Variants in FSTL5 observed in about 807,000 individuals in gnomAD.
FSTL5 encodes the protein follistatin-related protein 5.
A neutral mutation model predicts 89.1 loss-of-function variants in FSTL5; 62 were observed. That is an observed-to-expected ratio of 0.70 (90% CI 0.57 to 0.86). FSTL5 has a LOEUF of 0.86. Ranked by LOEUF, FSTL5 falls within the 40% of genes least tolerant of loss-of-function variation. The pLI is 0.00. For synonymous variants in FSTL5, 383 were observed against 346.2 expected, an observed-to-expected ratio of 1.11 and a Z score of -1.18; for missense variants, 1,057 against 1,001.6, an observed-to-expected ratio of 1.06 and a Z score of -0.75.
At chr4:161,591,994 G>T (rs981955995) in intron 7 of FSTL5, among the ~76,000 whole-genome samples, 2 of 152,162 alleles carry the variant, frequency 1.3e-5, no homozygotes, top group Non-Finnish European at 2.9e-5. Context: ...TCAGTCATAA[G>T]TTGAACTCAG....
chr4:162,145,518 C>G (rs149073410), intron 1 of FSTL5, among the ~76,000 whole-genome samples: 36 of 152,036 alleles, frequency 2.4e-4, no homozygotes, highest in Non-Finnish European at 4.9e-4. Flanking sequence ...AAAAGTCTTT[C>G]CATGAAGTTA....
chr4:161,687,580 C>A (rs1737788938), intron 6 of FSTL5, among the ~76,000 whole-genome samples: 1 of 152,092 alleles, frequency 6.6e-6, no homozygotes, highest in Non-Finnish European at 1.5e-5. Flanking sequence ...TTAAATTTTT[C>A]ATTTTGTAGC....
intron 3 of FSTL5, among the ~76,000 whole-genome samples, chr4:161,927,233 G>A (rs958219996): frequency 2.6e-5 from 4 of 151,180 alleles, no homozygotes; most frequent in African/African-American, 9.7e-5. Context: ...TGAGAGAAAA[G>A]GCATATGCTA....
intron 4 of FSTL5, among the ~76,000 whole-genome samples, chr4:161,906,383 G>A (rs564472472): frequency 3.3e-5 from 5 of 152,202 alleles, no homozygotes; most frequent in Admixed American, 6.5e-5. Flanking sequence ...CTAGAGGCTC[G>A]CTAAAATTGT....
chr4:162,119,144 G>A (rs575076263), intron 1 of FSTL5, among the ~76,000 whole-genome samples: 11 of 151,554 alleles, frequency 7.3e-5, no homozygotes, highest in South Asian at 2.1e-4. Context: ...GGTGGATTGC[G>A]TAAGCCCAGA....
At chr4:162,082,765 A>G (rs757464913) in intron 2 of FSTL5, among the ~76,000 whole-genome samples, 33 of 151,656 alleles carry the variant, frequency 2.2e-4, no homozygotes, top group African/African-American at 8.0e-4. Context: ...TGTCAGGATC[A>G]TATTAAATTT....
intron 7 of FSTL5, among the ~76,000 whole-genome samples, chr4:161,618,860 A>C (rs895817412): frequency 6.6e-6 from 1 of 152,220 alleles, no homozygotes; most frequent in Non-Finnish European, 1.5e-5. Flanking sequence ...ATATGACACC[A>C]AAAAAGAGCC....
chr4:161,882,407 G>C (rs998895236), intron 4 of FSTL5, among the ~76,000 whole-genome samples: 14 of 152,144 alleles, frequency 9.2e-5, no homozygotes, highest in African/African-American at 3.4e-4. Context: ...TTCATCTGTT[G>C]TACCAAAGCA....
intron 15 of FSTL5, among the ~76,000 whole-genome samples, chr4:161,430,613 G>T (rs62326362): frequency 2.0e-5 from 3 of 152,206 alleles, no homozygotes; most frequent in Non-Finnish European, 4.4e-5. Context: ...GGTAGTGGGC[G>T]CCTGTAGTCC....
intron 13 of FSTL5, among the ~76,000 whole-genome samples, chr4:161,471,839 T>C (rs1457611597): frequency 6.6e-6 from 1 of 152,220 alleles, no homozygotes; most frequent in Non-Finnish European, 1.5e-5. Flanking sequence ...CATACAATTG[T>C]TCATGGTACT....
At chr4:162,037,418 T>C (rs1253722426) in intron 2 of FSTL5, among the ~76,000 whole-genome samples, 1 of 151,926 alleles carries the variant, frequency 6.6e-6, no homozygotes, top group African/African-American at 2.4e-5. Context: ...GGAGAAGATT[T>C]TAAGTGCATG....
chr4:161,465,972 T>C (rs1438318755), intron 13 of FSTL5, among the ~76,000 whole-genome samples: 1 of 152,216 alleles, frequency 6.6e-6, no homozygotes, highest in Non-Finnish European at 1.5e-5. Flanking sequence ...GATTTATACA[T>C]TGAAGTTCTA....
intron 3 of FSTL5, among the ~76,000 whole-genome samples, chr4:161,971,829 T>G (rs2111015957): frequency 6.6e-6 from 1 of 152,246 alleles, no homozygotes; most frequent in East Asian, 1.9e-4. Context: ...TACTAACATC[T>G]TTTCTCCAGT....
At chr4:161,581,324 G>C (rs987497336) in intron 8 of FSTL5, among the ~76,000 whole-genome samples, 18 of 152,170 alleles carry the variant, frequency 1.2e-4, no homozygotes, top group African/African-American at 4.3e-4. Context: ...CACTGAGCTA[G>C]GGTAACCCTC....
intron 4 of FSTL5, among the ~76,000 whole-genome samples, chr4:161,884,066 T>TA (rs1732722022): frequency 6.6e-6 from 1 of 151,826 alleles, no homozygotes; most frequent in Non-Finnish European, 1.5e-5. Flanking sequence ...TTTAATTTTT[T>TA]TTGAGACGGA....
At chr4:161,825,103 G>C (rs755651541) in intron 4 of FSTL5, among the ~76,000 whole-genome samples, 11 of 152,040 alleles carry the variant, frequency 7.2e-5, no homozygotes, top group African/African-American at 2.4e-4. Flanking sequence ...AATCATAAAG[G>C]GATGCTGGAT....
intron 4 of FSTL5, among the ~76,000 whole-genome samples, chr4:161,870,404 A>G (rs911302148): frequency 1.3e-5 from 2 of 152,098 alleles, no homozygotes; most frequent in Non-Finnish European, 2.9e-5. Context: ...CAGTAAAAAA[A>G]GAAAAAACAA....
chr4:161,686,596 G>A (rs531288410), intron 6 of FSTL5, among the ~76,000 whole-genome samples: 4 of 151,134 alleles, frequency 2.6e-5, no homozygotes, highest in Middle Eastern at 3.4e-3. Context: ...TCCTGACCTC[G>A]TGATCTGCCC....
chr4:161,424,024 C>CTTTTTTTTTTTTTTTTTTTTTTTTT (rs11287729), intron 15 of FSTL5, among the ~76,000 whole-genome samples: 1 of 75,378 alleles, frequency 1.3e-5, no homozygotes, highest in Non-Finnish European at 2.3e-5. Context: ...GCCCATCATT[C>CTTTTTTTTTTTTTTTTTTTTTTTTT]TTTTTTTTTT....
Sources: gnomAD v4.1 joint callset for allele counts (sites outside exome capture counted in the v4.1 genomes callset) on GRCh38, gnomAD v4.1.1 for gene constraint, MANE v1.5 for transcripts, NCBI Gene and HGNC (gene_info 2026-07-23, HGNC 2026-07-21) for gene names.